SLCO1C1: variants seen among roughly 807,000 people sequenced by gnomAD.
SLCO1C1 encodes the protein solute carrier organic anion transporter family member 1C1, also known as OAT-RP-5.
A neutral mutation model predicts 76.4 loss-of-function variants in SLCO1C1; 70 were observed. The ratio of observed to expected loss-of-function variants is 0.92; its 90% CI spans 0.76 to 1.12. The LOEUF (loss-of-function observed/expected upper bound fraction) is 1.12. Ranked by LOEUF, SLCO1C1 falls within the 50% of genes most tolerant of loss-of-function variation. The pLI, the probability that SLCO1C1 is intolerant of heterozygous loss-of-function variation, is 0.00. For synonymous variants in SLCO1C1, 306 were observed against 286.1 expected, an observed-to-expected ratio of 1.07 and a Z score of -0.70; for missense variants, 912 against 823.8, an observed-to-expected ratio of 1.11 and a Z score of -1.31.
intron 9 of SLCO1C1, among the ~76,000 whole-genome samples, chr12:20,726,287 C>A (rs1006960961): frequency 6.7e-6 from 1 of 149,734 alleles, no homozygotes; most frequent in Non-Finnish European, 1.5e-5. Context: ...GGATAATGAT[C>A]TTCCTGCAAT....
chr12:20,704,265 C>T (rs1207161429), intron 3 of SLCO1C1, among the ~76,000 whole-genome samples: 1 of 151,266 alleles, frequency 6.6e-6, no homozygotes, highest in African/African-American at 2.4e-5. Flanking sequence ...ATCTGTATTA[C>T]AGGTACTGAA....
At chr12:20,727,798 T>A (rs1948095566) in intron 9 of SLCO1C1, among the ~76,000 whole-genome samples, 1 of 152,318 alleles carries the variant, frequency 6.6e-6, no homozygotes, top group South Asian at 2.1e-4. Flanking sequence ...CGTGAGCCAC[T>A]GCGCCCGGCC....
At chr12:20,734,491 T>G (rs1452293937) in intron 10 of SLCO1C1, among the ~76,000 whole-genome samples, 1 of 152,220 alleles carries the variant, frequency 6.6e-6, no homozygotes, top group East Asian at 1.9e-4. Flanking sequence ...GAGGACTTTA[T>G]AGTTTGTGAT....
intron 9 of SLCO1C1, among the ~76,000 whole-genome samples, chr12:20,728,107 G>T (rs1235500003): frequency 6.6e-6 from 1 of 152,036 alleles, no homozygotes; most frequent in African/African-American, 2.4e-5. Flanking sequence ...TACTGAGAAG[G>T]GTTTTTACTA....
rs71039980 is a variant in SLCO1C1 at position 20,740,787 on chromosome 12, T to TTATATATATATATATATATATATATATA, written c.1733+423_1733+450dup. Among the ~76,000 whole-genome samples, 26 of 75,058 alleles carry TTATATATATATATATATATATATATATA rather than the reference T, an allele frequency of 3.5e-4. 1 individual carries two copies. Among genetic ancestry groups the TTATATATATATATATATATATATATATA allele is most frequent in the African/African-American group, 8.1e-4 (15 of 18,426 alleles). The allele number at this position is 75,058 out of a possible 152,430, so 49.2% of individuals were successfully genotyped here. On this transcript the variant is annotated intron_variant, in intron 12 of 14. Coordinates refer to ENST00000266509, the MANE Select transcript of SLCO1C1 (RefSeq NM_017435.5). Reference sequence around the variant, plus strand: ...ACAACAATGTTAGAATTTATTTTATTTATATATATATATATATATATATAT... The same window carrying TTATATATATATATATATATATATATATA: ...ACAACAATGTTAGAATTTATTTTATTTATATATATATATATATATATATATATATATATATATATATATATATATATAT...
intron 13 of SLCO1C1, among the ~76,000 whole-genome samples, chr12:20,745,341 T>C (rs921381264): frequency 2.6e-5 from 4 of 152,146 alleles, no homozygotes; most frequent in South Asian, 2.1e-4. Flanking sequence ...TGAAAAACTT[T>C]AAATGCCTTA....
chr12:20,730,375 AAAG>A (rs1294841887), intron 9 of SLCO1C1, among the ~76,000 whole-genome samples: 8 of 152,178 alleles, frequency 5.3e-5, no homozygotes, highest in Admixed American at 2.0e-4. Context: ...ACTTCAGGAG[AAAG>A]AAGATGAAAC....
intron 2 of SLCO1C1, 177 bp downstream of exon 2, chr12:20,699,882 G>A (rs1946439610): frequency 3.5e-6 from 2 of 575,000 alleles, no homozygotes; most frequent in Admixed American, 8.1e-5. Context: ...ACCTGACCAT[G>A]TGGGTTAAAT....
At chr12:20,708,238 T>C (rs2120653933) in intron 4 of SLCO1C1, among the ~76,000 whole-genome samples, 1 of 152,314 alleles carries the variant, frequency 6.6e-6, no homozygotes, top group Middle Eastern at 3.4e-3. Context: ...ATTGAGGGCC[T>C]ATTCCTAATA....
chr12:20,705,642 G>C (rs1324828449), intron 3 of SLCO1C1, among the ~76,000 whole-genome samples: 1 of 152,032 alleles, frequency 6.6e-6, no homozygotes, highest in African/African-American at 2.4e-5. Context: ...ATTTGAGAGG[G>C]AAGCTAAAGG....
At chr12:20,723,285 G>A in intron 9 of SLCO1C1, 31 bp downstream of exon 9, 1 of 1,609,194 alleles carries the variant, frequency 6.2e-7, no homozygotes, top group Non-Finnish European at 8.5e-7. Flanking sequence ...TGCTTTCTCA[G>A]AGGGACTGTC....
intron 13 of SLCO1C1, among the ~76,000 whole-genome samples, chr12:20,744,220 T>C (rs1394675691): frequency 6.6e-6 from 1 of 152,104 alleles, no homozygotes; most frequent in Non-Finnish European, 1.5e-5. Flanking sequence ...AAAAGTGTCA[T>C]ATATTGAGCC....
At chr12:20,725,026 T>C (rs1360735152) in intron 9 of SLCO1C1, among the ~76,000 whole-genome samples, 2 of 140,722 alleles carry the variant, frequency 1.4e-5, no homozygotes, top group East Asian at 4.1e-4. Flanking sequence ...ATATCTAACA[T>C]ATATTAATAT....
intron 11 of SLCO1C1, among the ~76,000 whole-genome samples, chr12:20,739,954 ATTG>A (rs1948722921): frequency 6.6e-6 from 1 of 152,108 alleles, no homozygotes; most frequent in East Asian, 1.9e-4. Context: ...TTGCTGGGAG[ATTG>A]TTGTACAGGA....
rs1947098896 is a variant in SLCO1C1 at position 20,711,518 on chromosome 12, C to G, written c.529+8C>G. ...AATCCAAAATAAGTAACGGTAAGAT[C>G]ATTTTTTTGACTTGACTAAACAAGC... On this transcript the variant is annotated splice_region_variant and intron_variant, in intron 5 of 14. Coordinates refer to ENST00000266509, the MANE Select transcript of SLCO1C1 (RefSeq NM_017435.5). The G allele has an allele frequency of 3.1e-6, 5 of 1,610,976 alleles. No individual in the cohort carries two copies. In the African/African-American group the frequency reaches 5.4e-5, roughly 17 times the overall value.
Position 20,717,149 on chromosome 12 carries a change from GCAATTATAGGAC to G in SLCO1C1, c.699_710del (p.Ile234_Ile237del). On this transcript the variant is annotated inframe_deletion, in exon 7 of 15. Transcript: ENST00000266509. ...TGGTGCAGGGTGTGTGCAGACGGTT[GCAATTATAGGAC>G]CAATCTTTGGTTTCCTGTTAGGCTC... The G allele has an allele frequency of 6.2e-7, 1 of 1,601,146 alleles. No homozygotes were observed.
chr12:20,703,116 C>T (rs1273464885), intron 3 of SLCO1C1, among the ~76,000 whole-genome samples: 1 of 151,858 alleles, frequency 6.6e-6, no homozygotes, highest in African/African-American at 2.4e-5. Context: ...CATTGAAAAC[C>T]TTTATCCCAA....
At chr12:20,733,168 A>G in intron 10 of SLCO1C1, 64 bp downstream of exon 10, 1 of 1,422,108 alleles carries the variant, frequency 7.0e-7, no homozygotes, top group East Asian at 2.4e-5. Context: ...TTATTGGTGG[A>G]GTTGCAAAAA....
chr12:20,749,696 G>T (rs1290432112), intron 13 of SLCO1C1, among the ~76,000 whole-genome samples: 3 of 152,166 alleles, frequency 2.0e-5, no homozygotes, highest in East Asian at 3.9e-4. Flanking sequence ...CATTTTCTGA[G>T]AACCTACTAG....
Sources: allele counts gnomAD v4.1 joint callset (sites outside exome capture counted in the v4.1 genomes callset), GRCh38; gene constraint gnomAD v4.1.1; transcripts MANE v1.5; gene names NCBI Gene and HGNC (gene_info 2026-07-23, HGNC 2026-07-21).